The following FLRT2 variants were observed in gnomAD, a reference collection of about 807,000 sequenced individuals.
FLRT2 encodes the protein fibronectin leucine rich transmembrane protein 2, also known as leucine-rich repeat transmembrane protein FLRT2.
In FLRT2, 15 loss-of-function variants were observed where a neutral mutation model predicts 40.0. The ratio of observed to expected loss-of-function variants is 0.38; its 90% CI spans 0.25 to 0.58. The LOEUF (loss-of-function observed/expected upper bound fraction) is 0.58. Ranked by LOEUF, FLRT2 falls within the 20% of genes least tolerant of loss-of-function variation. FLRT2 has a pLI of 0.71. For missense variants in FLRT2, 726 were observed against 840.0 expected, an observed-to-expected ratio of 0.86 and a Z score of 1.68; for synonymous variants, 380 against 336.8, an observed-to-expected ratio of 1.13 and a Z score of -1.41.
chr14:85,611,899 A>AGCGC (rs140527571), intron 1 of FLRT2, among the ~76,000 whole-genome samples: 2,286 of 126,752 alleles, frequency 0.018, 45 homozygotes, highest in African/African-American at 0.043. Flanking sequence ...AGAGAGAGAG[A>AGCGC]GCGCGCGTGC....
chr14:85,587,903 T>C lies in FLRT2; in HGVS notation c.-376-33236T>C, dbSNP rs138996804. ...CATGGTGAATGATGAGGAAATGTTC[T>C]GGGGGACTGCTTTTATTTCAGCTTC... On this transcript the variant is annotated intron_variant, in intron 1 of 1. Coordinates refer to ENST00000330753, the MANE Select transcript of FLRT2 (RefSeq NM_013231.6). 5.6e-3 allele frequency among the ~76,000 whole-genome samples: 857 copies of C among 152,110 alleles called. 11 individuals carry two copies. Among genetic ancestry groups the C allele is most frequent in the African/African-American group, 0.02 (821 of 41,474 alleles).
intron 1 of FLRT2, 169 bp downstream of exon 1, chr14:85,530,703 AGCTTAGCTCTCTCTCGAC>A (rs761272092): frequency 6.6e-6 from 1 of 152,136 alleles, no homozygotes; most frequent in Non-Finnish European, 1.5e-5. Context: ...GAAAATAGGC[AGCTTAGCTCTCTCTCGAC>A]TTTGGGGACA....
intron 1 of FLRT2, among the ~76,000 whole-genome samples, chr14:85,592,559 T>TGAGCA (rs1891938818): frequency 6.6e-6 from 1 of 151,780 alleles, no homozygotes; most frequent in African/African-American, 2.4e-5. Context: ...GAGGCCAAGG[T>TGAGCA]GAGCAGATCA....
At chr14:85,596,205 G>A (rs1465294023) in intron 1 of FLRT2, among the ~76,000 whole-genome samples, 1 of 152,216 alleles carries the variant, frequency 6.6e-6, no homozygotes, top group Non-Finnish European at 1.5e-5. Flanking sequence ...AACCTTTGCC[G>A]TTGTTTGTTT....
chr14:85,626,843 A>G lies in FLRT2; in HGVS notation c.*3346A>G, dbSNP rs1362738759. On this transcript the variant is annotated 3_prime_UTR_variant, in exon 2 of 2. Transcript: ENST00000330753. Reference sequence around the variant, plus strand: ...GTACGTGACCAGTCTGGTAAGAAGTATTAATGAAGTAGCTAATATTACAGC... The same window carrying G: ...GTACGTGACCAGTCTGGTAAGAAGTGTTAATGAAGTAGCTAATATTACAGC... 6.0e-6 allele frequency: 1 copy of G among 167,136 alleles called. No individual in the cohort carries two copies. Among genetic ancestry groups the G allele is most frequent in the East Asian group, 1.9e-4 (1 of 5,196 alleles). The allele number at this position is 167,136 out of a possible 1,614,324, so 10.4% of individuals were successfully genotyped here.
Position 85,651,557 on chromosome 14 carries a change from A to G in FLRT2, c.*28060A>G, listed in dbSNP as rs996227331. On this transcript the variant is annotated 3_prime_UTR_variant, in exon 2 of 2. Transcript: ENST00000330753. ...TTATTAATTGGGAAGATTTTAGAAT[A>G]CTTAACGTATGTTTTCTAATTAAGC... 1 of 152,098 alleles carries G rather than the reference A, an allele frequency of 6.6e-6. No homozygotes were observed. The highest frequency in any genetic ancestry group is 2.4e-5 in the African/African-American group (1 of 41,442). 9.4% of individuals were successfully genotyped at this position (152,098 alleles called of 1,614,324 possible).
chr14:85,607,321 T>A (rs768328472), intron 1 of FLRT2, among the ~76,000 whole-genome samples: 1 of 152,084 alleles, frequency 6.6e-6, no homozygotes, highest in Non-Finnish European at 1.5e-5. Context: ...GTGCAGAGGG[T>A]ACAGTAAGGG....
At chr14:85,593,171 A>T (rs1251250698) in intron 1 of FLRT2, among the ~76,000 whole-genome samples, 1 of 152,230 alleles carries the variant, frequency 6.6e-6, no homozygotes, top group East Asian at 1.9e-4. Flanking sequence ...AGAGAAAAGG[A>T]AACAGACATT....
rs1162129592 is a variant in FLRT2, at chr14:85,628,872, A to T, written c.*5375A>T. 2 of 152,208 alleles carry T rather than the reference A, an allele frequency of 1.3e-5. No individual in the cohort carries two copies. Among genetic ancestry groups the T allele is most frequent in the Non-Finnish European group, 2.9e-5 (2 of 68,032 alleles). 9.4% of individuals were successfully genotyped at this position (152,208 alleles called of 1,614,324 possible). On this transcript the variant is annotated 3_prime_UTR_variant, in exon 2 of 2. Coordinates refer to ENST00000330753, the MANE Select transcript of FLRT2 (RefSeq NM_013231.6). Reference sequence around the variant, plus strand: ...ACTAAACCATTAGTCAAAAAATACCATTCATTCAAAATAATTCATTAATGT... The same window carrying T: ...ACTAAACCATTAGTCAAAAAATACCTTTCATTCAAAATAATTCATTAATGT...
chr14:85,558,471 A>G (rs1173462060), intron 1 of FLRT2, among the ~76,000 whole-genome samples: 5 of 152,216 alleles, frequency 3.3e-5, no homozygotes, highest in Admixed American at 2.0e-4. Context: ...ATAAATGTCG[A>G]TATGCATTAT....
intron 1 of FLRT2, among the ~76,000 whole-genome samples, chr14:85,575,450 A>T (rs1891087733): frequency 6.6e-6 from 1 of 152,112 alleles, no homozygotes; most frequent in African/African-American, 2.4e-5. Context: ...GTGTTCCCAA[A>T]TTTACTTACC....
intron 1 of FLRT2, among the ~76,000 whole-genome samples, chr14:85,552,251 A>C (rs1889673888): frequency 1.3e-5 from 2 of 152,156 alleles, no homozygotes. Flanking sequence ...GGTTTAGTCT[A>C]CTTGGGTTTG....
chr14:85,595,059 G>A (rs555248640), intron 1 of FLRT2, among the ~76,000 whole-genome samples: 79 of 152,250 alleles, frequency 5.2e-4, no homozygotes, highest in Non-Finnish European at 7.1e-4. Context: ...GGAGGAGGAA[G>A]AGGAGGGGTT....
In FLRT2 at chr14:85,631,840, T is replaced by G. The variant is rs1893882256; in HGVS notation, c.*8343T>G. The G allele has an allele frequency of 6.6e-6, 1 of 152,122 alleles. No individual in the cohort carries two copies. Among genetic ancestry groups the G allele is most frequent in the African/African-American group, 2.4e-5 (1 of 41,432 alleles). 9.4% of individuals were successfully genotyped at this position (152,122 alleles called of 1,614,324 possible). A position where few individuals can be genotyped will look rare whatever the true frequency, so the allele number is the denominator to read the frequency against. On this transcript the variant is annotated 3_prime_UTR_variant, in exon 2 of 2. Transcript: ENST00000330753. Reference sequence around the variant, plus strand: ...TCTTTTTATTTTATTTATTTATTTTTTTTTGAGTTGGAGTCTCACTCTGTC... The same window carrying G: ...TCTTTTTATTTTATTTATTTATTTTGTTTTGAGTTGGAGTCTCACTCTGTC...
At chr14:85,579,130 G>A (rs1168321828) in intron 1 of FLRT2, among the ~76,000 whole-genome samples, 2 of 152,060 alleles carry the variant, frequency 1.3e-5, no homozygotes, top group Non-Finnish European at 2.9e-5. Context: ...TTGGACTTTT[G>A]TTTCTCCTTC....
intron 1 of FLRT2, among the ~76,000 whole-genome samples, chr14:85,578,162 T>G (rs953419969): frequency 4.3e-5 from 6 of 140,880 alleles, no homozygotes; most frequent in East Asian, 4.1e-4. Context: ...AAAAATATCT[T>G]TATATATAAA....
chr14:85,604,747 A>G (rs921260569), intron 1 of FLRT2, among the ~76,000 whole-genome samples: 6 of 152,226 alleles, frequency 3.9e-5, no homozygotes, highest in African/African-American at 1.4e-4. Flanking sequence ...AATTGCTCTA[A>G]ATAGCTGTAG....
At chr14:85,620,635 A>G (rs17121375) in intron 1 of FLRT2, among the ~76,000 whole-genome samples, 9,253 of 152,314 alleles carry the variant, frequency 0.061, 499 homozygotes, top group African/African-American at 0.14. Flanking sequence ...GTAAGGATGC[A>G]TCTTTTTAAG....
chr14:85,623,059 T>A lies in FLRT2; in HGVS notation c.1545T>A (p.His515Gln), dbSNP rs760292092. The A allele has an allele frequency of 1.9e-6, 3 of 1,614,174 alleles. No individual in the cohort carries two copies. The highest frequency in any genetic ancestry group is 8.5e-7 in the Non-Finnish European group (1 of 1,180,024). ...EDTICSEATT[H>Q]ASYLNNGSNT... is the part of the protein sequence containing the mutation. ...CCATTTGTTCAGAGGCCACCACCCA[T>A]GCCTCCTATCTGAACAACGGCAGCA... is the stretch of plus-strand genomic sequence containing the variant. The change falls in exon 2 of 2, where the codon CAT becomes CAA. Residue 515 changes from histidine to glutamine, a missense_variant. Physicochemically the swap from His to Gln is conservative, Grantham distance 24. Around this residue, in one of 3 missense-constraint regions of FLRT2, gnomAD observed 611 missense variants for 690.0 expected, o/e 0.89. Transcript: ENST00000330753.
Sources: allele counts gnomAD v4.1 joint callset (sites outside exome capture counted in the v4.1 genomes callset), GRCh38; gene constraint gnomAD v4.1.1; regional missense constraint gnomAD v4.1.1; transcripts MANE v1.5; gene names NCBI Gene and HGNC (gene_info 2026-07-23, HGNC 2026-07-21).